NDFIP2: variants seen among roughly 807,000 people sequenced by gnomAD.
NDFIP2 encodes Nedd4 family interacting protein 2.
Under a neutral mutation model 36.0 loss-of-function variants are expected in NDFIP2, and 19 were observed. The ratio of observed to expected loss-of-function variants is 0.53; its 90% CI spans 0.37 to 0.77. The LOEUF (loss-of-function observed/expected upper bound fraction) is 0.77, where lower values mean the gene tolerates loss of function less well. Ranked by LOEUF, NDFIP2 falls within the 30% of genes least tolerant of loss-of-function variation. The pLI is 0.00. For missense variants in NDFIP2, 446 were observed against 435.8 expected, an observed-to-expected ratio of 1.02 and a Z score of -0.21; for synonymous variants, 181 against 167.7, an observed-to-expected ratio of 1.08 and a Z score of -0.61.
chr13:79,514,097 A>G (rs1406179133), intron 1 of NDFIP2, among the ~76,000 whole-genome samples: 4 of 152,076 alleles, frequency 2.6e-5, no homozygotes. Context: ...TATCCCACCC[A>G]TTTGGCTTCT....
chr13:79,489,705 C>T lies in NDFIP2; in HGVS notation c.321+8181C>T, dbSNP rs1873152344. Among the ~76,000 whole-genome samples the T allele has an allele frequency of 5.3e-5, 8 of 152,138 alleles. No homozygotes were observed. The South Asian group carries it at 1.7e-3, about 32-fold the overall frequency. ...ATGAGTATTGTAAATGTGTTAATAA[C>T]CTGTAGTGGAAATGAGTTTGTTGAT... On this transcript the variant is annotated intron_variant, in intron 1 of 7. Transcript: ENST00000218652.
chr13:79,524,898 C>A (rs1874732286), intron 2 of NDFIP2, among the ~76,000 whole-genome samples: 1 of 152,150 alleles, frequency 6.6e-6, no homozygotes, highest in Non-Finnish European at 1.5e-5. Context: ...TGCCTTGATG[C>A]CTCCTTTGTA....
chr13:79,506,982 G>A (rs543688773), intron 1 of NDFIP2, among the ~76,000 whole-genome samples: 87 of 152,050 alleles, frequency 5.7e-4, no homozygotes, highest in African/African-American at 1.6e-3. Context: ...GTAAGAAATC[G>A]GAGTATTTTT....
In NDFIP2 at chr13:79,551,051, T is replaced by C. The variant is rs778062673; in HGVS notation, c.942T>C (p.Tyr314=). 43 of 1,603,984 alleles carry C rather than the reference T, an allele frequency of 2.7e-5. No homozygotes were observed. Among genetic ancestry groups the C allele is most frequent in the Non-Finnish European group, 3.4e-5 (40 of 1,174,798 alleles). The change falls in exon 7 of 8, where the codon TAT becomes TAC. Residue 314 remains tyrosine (Y), a synonymous_variant. Transcript: ENST00000218652. ...LLLFFRGFVN[Y]LKVRNMSESM... is the part of the protein sequence containing the mutation. ...TTTTCTTCAGAGGATTTGTTAATTA[T>C]CTAAAAGTCAGAAACATGTCTGAAA...
chr13:79,524,050 A>G (rs1874693896), intron 2 of NDFIP2, among the ~76,000 whole-genome samples: 1 of 152,198 alleles, frequency 6.6e-6, no homozygotes, highest in Admixed American at 6.5e-5. Context: ...TTTGACATTT[A>G]ATGTCCGTGC....
intron 1 of NDFIP2, among the ~76,000 whole-genome samples, chr13:79,486,476 C>A (rs1424083436): frequency 6.6e-6 from 1 of 152,198 alleles, no homozygotes; most frequent in Non-Finnish European, 1.5e-5. Context: ...TGCATGCAAG[C>A]CACATGTTTA....
At chr13:79,516,438 G>T (rs1874335288) in intron 1 of NDFIP2, among the ~76,000 whole-genome samples, 1 of 152,000 alleles carries the variant, frequency 6.6e-6, no homozygotes, top group Non-Finnish European at 1.5e-5. Flanking sequence ...GCCCAGGCTG[G>T]TCTTGAATTC....
chr13:79,486,181 T>C (rs922528168), intron 1 of NDFIP2, among the ~76,000 whole-genome samples: 1 of 152,188 alleles, frequency 6.6e-6, no homozygotes, highest in Non-Finnish European at 1.5e-5. Flanking sequence ...TCCAAAACAC[T>C]TCTGGTCCCA....
intron 2 of NDFIP2, among the ~76,000 whole-genome samples, chr13:79,530,127 A>C (rs1300023604): frequency 6.6e-6 from 1 of 152,140 alleles, no homozygotes; most frequent in African/African-American, 2.4e-5. Context: ...TGGTTGCTGA[A>C]TATTGGGGTG....
chr13:79,481,274 C>G lies in NDFIP2; in HGVS notation c.71C>G (p.Pro24Arg), dbSNP rs990053504. The G allele has an allele frequency of 1.3e-6, 2 of 1,537,434 alleles. No homozygotes were observed. The highest frequency in any genetic ancestry group is 8.7e-7 in the Non-Finnish European group (1 of 1,146,152). The change falls in exon 1 of 8, where the codon CCG becomes CGG. Residue 24 changes from proline to arginine, a missense_variant. Transcript: ENST00000218652. ...PSMLNSARGAPELLRGTATNA... is the reference protein window; with the variant it reads ...PSMLNSARGARELLRGTATNA... ...ATGCTCAATAGCGCGCGCGGCGCCC[C>G]GGAGCTTCTCCGCGGAACCGCGACC...
Position 79,539,677 on chromosome 13 carries a change from T to G in NDFIP2, c.622-5T>G, listed in dbSNP as rs200854804. The G allele has an allele frequency of 2.7e-5, 44 of 1,611,490 alleles. No homozygotes were observed. In the Admixed American group the frequency reaches 5.0e-4, roughly 18 times the overall value. Reference sequence around the variant, plus strand: ...GTGAGCTATTCCAATGTTACATATTTACAGATTCAGGAGGAAGAGTGTCCA... The same window carrying G: ...GTGAGCTATTCCAATGTTACATATTGACAGATTCAGGAGGAAGAGTGTCCA... On this transcript the variant is annotated splice_region_variant and splice_polypyrimidine_tract_variant and intron_variant, in intron 3 of 7. Transcript: ENST00000218652.
intron 1 of NDFIP2, among the ~76,000 whole-genome samples, chr13:79,507,286 T>TCATCA (rs1346644965): frequency 1.9e-4 from 10 of 51,968 alleles, no homozygotes; most frequent in South Asian, 5.7e-4. Context: ...TTTTTTTTTT[T>TCATCA]TTTTTGAGAC....
At chr13:79,527,844 C>T (rs1447732199) in intron 2 of NDFIP2, among the ~76,000 whole-genome samples, 1 of 152,112 alleles carries the variant, frequency 6.6e-6, no homozygotes, top group Non-Finnish European at 1.5e-5. Flanking sequence ...GAGATGACAG[C>T]TCCATGTGTG....
chr13:79,490,609 C>T (rs944396767), intron 1 of NDFIP2, among the ~76,000 whole-genome samples: 1 of 152,160 alleles, frequency 6.6e-6, no homozygotes, highest in African/African-American at 2.4e-5. Context: ...AACAAATGGG[C>T]TGTGTTCCAG....
chr13:79,547,577 G>A (rs1875736878), intron 5 of NDFIP2, among the ~76,000 whole-genome samples: 1 of 152,102 alleles, frequency 6.6e-6, no homozygotes, highest in African/African-American at 2.4e-5. Context: ...TTAATGAAGT[G>A]TGATGTCTAG....
At chr13:79,540,313 CTTAG>C (rs1236946625) in intron 4 of NDFIP2, among the ~76,000 whole-genome samples, 1 of 152,130 alleles carries the variant, frequency 6.6e-6, no homozygotes, top group Non-Finnish European at 1.5e-5. Context: ...TTGCAGAATT[CTTAG>C]TATTTGACTT....
chr13:79,503,504 A>G (rs1873746660), intron 1 of NDFIP2, among the ~76,000 whole-genome samples: 1 of 152,188 alleles, frequency 6.6e-6, no homozygotes, highest in Admixed American at 6.5e-5. Flanking sequence ...GAATAGGCTC[A>G]GTGGAAGTAA....
chr13:79,538,040 AAG>A (rs560076867), intron 3 of NDFIP2, among the ~76,000 whole-genome samples: 2 of 152,290 alleles, frequency 1.3e-5, no homozygotes, highest in African/African-American at 4.8e-5. Context: ...GAGCAGGAGG[AAG>A]AGAGAGAGTG....
Position 79,551,033 on chromosome 13 carries a change from C to T in NDFIP2, c.924C>T (p.Phe308=). The part of the protein sequence containing the change: ...IFLVLGLLLF[F]RGFVNYLKVR... ...CCTTCTCAGGCCTGCTCCTTTTCTT[C>T]AGAGGATTTGTTAATTATCTAAAAG... Residue 308 remains phenylalanine (F), a synonymous_variant, in exon 7 of 8, where the codon TTC becomes TTT. Coordinates refer to ENST00000218652, the MANE Select transcript of NDFIP2 (RefSeq NM_019080.3). The T allele has an allele frequency of 6.3e-7, 1 of 1,597,956 alleles. No homozygotes were observed.
Sources: gnomAD v4.1 joint callset for allele counts (sites outside exome capture counted in the v4.1 genomes callset) on GRCh38, gnomAD v4.1.1 for gene constraint, MANE v1.5 for transcripts, NCBI Gene and HGNC (gene_info 2026-07-23, HGNC 2026-07-21) for gene names.